PCDHA1: variants seen among roughly 807,000 people sequenced by gnomAD.
PCDHA1 encodes the protein protocadherin alpha-1.
A neutral mutation model predicts 61.3 loss-of-function variants in PCDHA1; 42 were observed. The observed-to-expected ratio is 0.69, with a 90% CI of 0.54 to 0.89. The LOEUF is 0.89. Ranked by LOEUF, PCDHA1 falls within the 40% of genes least tolerant of loss-of-function variation. PCDHA1 has a pLI of 0.00. For missense variants in PCDHA1, 1,256 were observed against 1,235.3 expected (o/e 1.02, Z -0.25); for synonymous variants, 610 against 553.8 (o/e 1.10, Z -1.43).
Position 140,828,872 on chromosome 5 carries a change from G to A in PCDHA1, c.2394+40188G>A, listed in dbSNP as rs1769998311. 15 of 1,614,106 alleles carry A rather than the reference G, an allele frequency of 9.3e-6. No individual in the cohort carries two copies. The highest frequency in any genetic ancestry group is 1.2e-5 in the Non-Finnish European group (14 of 1,180,040). On this transcript the variant is annotated intron_variant, in intron 1 of 3. Coordinates refer to ENST00000504120, the MANE Select transcript of PCDHA1 (RefSeq NM_018900.4). ...CGAAAATGCAGACAACGGAACAACA[G>A]TTATCAGACTGAATGCTTCTGATCG...
intron 1 of PCDHA1, among the ~76,000 whole-genome samples, chr5:140,895,618 T>C (rs569188891): frequency 1.1e-4 from 16 of 152,206 alleles, no homozygotes; most frequent in African/African-American, 3.9e-4. Context: ...TCATTGAGGG[T>C]GTTGTCTTTT....
chr5:140,892,489 G>A (rs1554185225), intron 1 of PCDHA1, among the ~76,000 whole-genome samples: 1 of 152,180 alleles, frequency 6.6e-6, no homozygotes, highest in Non-Finnish European at 1.5e-5. Context: ...CCAAACATGA[G>A]AGATTGTTTA....
At chr5:140,847,774 C>T (rs1554141905) in intron 1 of PCDHA1, 2 of 149,772 alleles carry the variant, frequency 1.3e-5, no homozygotes, top group East Asian at 3.9e-4. Context: ...AGTCAATTCT[C>T]GCTTTTCTTG....
intron 1 of PCDHA1, chr5:140,851,337 C>T (rs2042031356): frequency 2.0e-6 from 2 of 978,912 alleles, no homozygotes; most frequent in African/African-American, 1.7e-5. Flanking sequence ...TAGTTCTCTA[C>T]ATTTCTCTGG....
intron 1 of PCDHA1, chr5:140,829,704 G>T: frequency 6.2e-7 from 1 of 1,613,434 alleles, no homozygotes; most frequent in Non-Finnish European, 8.5e-7. Flanking sequence ...GTGAGCGCGC[G>T]CGACGCGGGC....
intron 1 of PCDHA1, among the ~76,000 whole-genome samples, chr5:140,970,887 G>A (rs2096441583): frequency 6.6e-6 from 1 of 152,118 alleles, no homozygotes; most frequent in Non-Finnish European, 1.5e-5. Context: ...TTTTCTCATG[G>A]ACATTTCAGA....
intron 1 of PCDHA1, chr5:140,854,282 G>C: frequency 1.9e-6 from 1 of 533,858 alleles, no homozygotes; most frequent in Non-Finnish European, 2.4e-6. Context: ...ATTGAGTTTA[G>C]TTTTTATTAT....
intron 1 of PCDHA1, chr5:140,929,617 A>C: frequency 2.5e-6 from 1 of 401,992 alleles, no homozygotes; most frequent in Non-Finnish European, 4.5e-6. Context: ...AAATACCAAA[A>C]TATTTTATAA....
chr5:140,822,590 T>A (rs1767358678), intron 1 of PCDHA1: 1 of 1,612,192 alleles, frequency 6.2e-7, no homozygotes, highest in African/African-American at 1.3e-5. Flanking sequence ...GATGAGGGCA[T>A]CAATAAGGAA....
chr5:140,963,861 G>A (rs2095794580), intron 1 of PCDHA1, among the ~76,000 whole-genome samples: 1 of 152,172 alleles, frequency 6.6e-6, no homozygotes, highest in Admixed American at 6.5e-5. Flanking sequence ...ATAACCGTAT[G>A]AGTTTTGCTT....
chr5:140,841,253 G>A, intron 1 of PCDHA1: 1 of 1,510,284 alleles, frequency 6.6e-7, no homozygotes, highest in Non-Finnish European at 8.9e-7. Context: ...TGGATTAAAA[G>A]ACTCTGAAAG....
At chr5:140,855,278 G>A (rs251360) in intron 1 of PCDHA1, among the ~76,000 whole-genome samples, 95,551 of 148,822 alleles carry the variant, frequency 0.64, 33,178 homozygotes, top group African/African-American at 0.69. Context: ...CTCAACCACC[G>A]TATTACTATT....
intron 1 of PCDHA1, among the ~76,000 whole-genome samples, chr5:140,959,785 C>T (rs976645506): frequency 3.5e-4 from 53 of 152,280 alleles, no homozygotes; most frequent in African/African-American, 1.2e-3. Context: ...TGTATATTAA[C>T]ATGGCTAATT....
intron 3 of PCDHA1, among the ~76,000 whole-genome samples, chr5:141,008,259 T>G (rs986818585): frequency 3.3e-5 from 5 of 152,202 alleles, no homozygotes; most frequent in Non-Finnish European, 7.3e-5. Context: ...TAGAGGAGAC[T>G]GAGAAGTAAT....
rs2058926605 is a variant in PCDHA1, at chr5:140,882,051, AC to A, written c.2394+93368del. The A allele has an allele frequency of 7.9e-6, 6 of 757,556 alleles. No homozygotes were observed. The Admixed American group carries it at 1.6e-4, about 20-fold the overall frequency. 46.9% of individuals were successfully genotyped at this position (757,556 alleles called of 1,614,324 possible). A position where few individuals can be genotyped will look rare whatever the true frequency, so the allele number is the denominator to read the frequency against. ...AAAATATGAAGACTGAGTCATACTT[AC>A]ACTTACACGTTCATGCGCATGGTGT... On this transcript the variant is annotated intron_variant, in intron 1 of 3. Coordinates refer to ENST00000504120, the MANE Select transcript of PCDHA1 (RefSeq NM_018900.4).
intron 1 of PCDHA1, among the ~76,000 whole-genome samples, chr5:140,926,141 A>G (rs2082938262): frequency 6.6e-6 from 1 of 152,038 alleles, no homozygotes; most frequent in Non-Finnish European, 1.5e-5. Flanking sequence ...AGCAGGATCC[A>G]GCGCGGAAAG....
intron 1 of PCDHA1, chr5:140,871,365 G>A: frequency 6.2e-7 from 1 of 1,614,218 alleles, no homozygotes; most frequent in Non-Finnish European, 8.5e-7. Context: ...AGCAGAGGCG[G>A]CAGAGGGTGT....
At chr5:140,857,246 T>C in intron 1 of PCDHA1, 1 of 1,598,642 alleles carries the variant, frequency 6.3e-7, no homozygotes, top group Non-Finnish European at 8.6e-7. Context: ...GGTGTCCACC[T>C]ACAAGAATTA....
At chr5:140,967,792 A>G (rs371669028) in intron 1 of PCDHA1, 4 of 1,614,212 alleles carry the variant, frequency 2.5e-6, no homozygotes, top group Non-Finnish European at 3.4e-6. Context: ...ACCGGGGTCC[A>G]GTGCCCATGG....
Sources: gnomAD v4.1 joint callset for allele counts (sites outside exome capture counted in the v4.1 genomes callset) on GRCh38, gnomAD v4.1.1 for gene constraint, MANE v1.5 for transcripts, NCBI Gene and HGNC (gene_info 2026-07-23, HGNC 2026-07-21) for gene names.